PDZRN3: variants seen among roughly 807,000 people sequenced by gnomAD.
The protein encoded by PDZRN3 is E3 ubiquitin-protein ligase PDZRN3.
Under a neutral mutation model 85.7 loss-of-function variants are expected in PDZRN3, and 38 were observed. That is an observed-to-expected ratio of 0.44 (90% CI 0.34 to 0.58). The LOEUF is 0.58. Ranked by LOEUF, PDZRN3 falls within the 20% of genes least tolerant of loss-of-function variation. PDZRN3 has a pLI of 0.01. For missense variants in PDZRN3, 1,629 were observed against 1,506.4 expected, an observed-to-expected ratio of 1.08 and a Z score of -1.35; for synonymous variants, 759 against 638.0, an observed-to-expected ratio of 1.19 and a Z score of -2.86.
chr3:73,438,397 G>C (rs146260101), intron 3 of PDZRN3, among the ~76,000 whole-genome samples: 1 of 152,316 alleles, frequency 6.6e-6, no homozygotes, highest in African/African-American at 2.4e-5. Context: ...TGATTGGATT[G>C]TCTATTTGCC....
chr3:73,385,594 A>T, intron 9 of PDZRN3, 75 bp downstream of exon 9: 1 of 876,146 alleles, frequency 1.1e-6, no homozygotes, highest in Non-Finnish European at 1.9e-6. Flanking sequence ...TTAGCACCAT[A>T]AAGGGAGATG....
chr3:73,567,467 AG>A (rs2106844448), intron 3 of PDZRN3, among the ~76,000 whole-genome samples: 1 of 152,324 alleles, frequency 6.6e-6, no homozygotes, highest in Non-Finnish European at 1.5e-5. Flanking sequence ...AAATTCCTCA[AG>A]GGTTTAAAGC....
chr3:73,433,749 A>G (rs1559677418), intron 3 of PDZRN3: 1 of 1,534,702 alleles, frequency 6.5e-7, no homozygotes, highest in South Asian at 1.2e-5. Context: ...TCTCGCCAGC[A>G]CCCGGGAAAA....
chr3:73,462,505 C>A (rs1243354740), intron 3 of PDZRN3, among the ~76,000 whole-genome samples: 1 of 137,262 alleles, frequency 7.3e-6, no homozygotes, highest in Non-Finnish European at 1.5e-5. Flanking sequence ...GATTGCGCCA[C>A]TGCACTCCAG....
At chr3:73,557,565 G>A (rs1294882787) in intron 3 of PDZRN3, among the ~76,000 whole-genome samples, 4 of 151,960 alleles carry the variant, frequency 2.6e-5, no homozygotes, top group Non-Finnish European at 2.9e-5. Context: ...TCAAACTAAC[G>A]GCCGTAAATA....
chr3:73,509,305 T>C (rs1466804135), intron 3 of PDZRN3, among the ~76,000 whole-genome samples: 2 of 152,184 alleles, frequency 1.3e-5, no homozygotes, highest in African/African-American at 4.8e-5. Flanking sequence ...ACTAAGCATC[T>C]ACCATGCAAC....
intron 3 of PDZRN3, among the ~76,000 whole-genome samples, chr3:73,435,782 A>G (rs1702519756): frequency 6.6e-6 from 1 of 151,968 alleles, no homozygotes; most frequent in African/African-American, 2.4e-5. Context: ...CATTCCCTAC[A>G]CAGTTGCCAG....
intron 3 of PDZRN3, among the ~76,000 whole-genome samples, chr3:73,499,556 C>A (rs960418047): frequency 5.3e-5 from 8 of 152,170 alleles, no homozygotes; most frequent in African/African-American, 1.9e-4. Context: ...TATTAACAAC[C>A]ACAAGTTCTG....
intron 3 of PDZRN3, among the ~76,000 whole-genome samples, chr3:73,565,117 ATTTTTTTTTT>A (rs202184460): frequency 0.024 from 3,283 of 138,818 alleles, 110 homozygotes; most frequent in African/African-American, 0.088. Context: ...ATATCCACCA[ATTTTTTTTTT>A]TTTTTTTTTT....
intron 3 of PDZRN3, among the ~76,000 whole-genome samples, chr3:73,543,577 A>G (rs369111067): frequency 6.6e-6 from 1 of 152,240 alleles, no homozygotes; most frequent in Non-Finnish European, 1.5e-5. Flanking sequence ...AAAGGATTCA[A>G]TATTTCCTTT....
In PDZRN3 at chr3:73,384,795, C is replaced by T. The variant is rs758508133; in HGVS notation, c.1771G>A (p.Asp591Asn). 23 of 1,613,884 alleles carry T rather than the reference C, an allele frequency of 1.4e-5. No individual in the cohort carries two copies. The highest frequency in any genetic ancestry group is 1.9e-5 in the Non-Finnish European group (22 of 1,180,046). ...GGGTTGGAGGATGCGGTGGCGTCGT[C>T]GCCATTGTTCTCTTGCTCCGAGCTC... is the stretch of plus-strand genomic sequence containing the variant. ...DESSEQENNGDDATASSNPLA... is the reference protein window; with the variant it reads ...DESSEQENNGNDATASSNPLA... The change falls in exon 10 of 10, where the codon GAC becomes AAC. Residue 591 changes from aspartate (D) to asparagine (N), a missense_variant. Asp to Asn is a conservative substitution (Grantham distance 23). Coordinates refer to ENST00000263666, the MANE Select transcript of PDZRN3 (RefSeq NM_015009.3).
At chr3:73,433,789 G>A in intron 3 of PDZRN3, 1 of 1,519,878 alleles carries the variant, frequency 6.6e-7, no homozygotes, top group Non-Finnish European at 8.8e-7. Flanking sequence ...GGCATTGAAG[G>A]TATCCTTGGA....
chr3:73,569,113 T>C (rs1346032537), intron 3 of PDZRN3: 12 of 1,224,492 alleles, frequency 9.8e-6, no homozygotes, highest in Non-Finnish European at 1.2e-5. Flanking sequence ...AGCTCACCTA[T>C]TCTAAATCAC....
At chr3:73,554,157 A>C (rs1470217987) in intron 3 of PDZRN3, among the ~76,000 whole-genome samples, 1 of 152,182 alleles carries the variant, frequency 6.6e-6, no homozygotes, top group African/African-American at 2.4e-5. Flanking sequence ...GTCAGAAGAA[A>C]GGCCTGGTGA....
intron 3 of PDZRN3, among the ~76,000 whole-genome samples, chr3:73,578,164 T>TTC (rs1365109122): frequency 1.8e-5 from 1 of 56,026 alleles, no homozygotes; most frequent in African/African-American, 5.0e-5. Flanking sequence ...TGACCATTCT[T>TTC]TTTTTTTTTT....
chr3:73,527,892 C>T (rs1232654411), intron 3 of PDZRN3, among the ~76,000 whole-genome samples: 2 of 152,178 alleles, frequency 1.3e-5, no homozygotes, highest in African/African-American at 2.4e-5. Context: ...CCTATTTACT[C>T]GCATGAGGCA....
At chr3:73,439,892 C>G (rs112607545) in intron 3 of PDZRN3, among the ~76,000 whole-genome samples, 204 of 151,308 alleles carry the variant, frequency 1.3e-3, no homozygotes, top group Non-Finnish European at 2.6e-3. Context: ...GCATGCACCA[C>G]CACATCAAGC....
chr3:73,436,036 C>T (rs1702524886), intron 3 of PDZRN3, among the ~76,000 whole-genome samples: 1 of 152,196 alleles, frequency 6.6e-6, no homozygotes, highest in African/African-American at 2.4e-5. Context: ...TGGAACCGCT[C>T]TTCCCTTTCT....
At chr3:73,572,378 T>C (rs1702056962) in intron 3 of PDZRN3, among the ~76,000 whole-genome samples, 1 of 152,224 alleles carries the variant, frequency 6.6e-6, no homozygotes, top group African/African-American at 2.4e-5. Flanking sequence ...CTGTGTTCTA[T>C]TCCAGTATAC....
Sources: allele counts gnomAD v4.1 joint callset (sites outside exome capture counted in the v4.1 genomes callset), GRCh38; gene constraint gnomAD v4.1.1; transcripts MANE v1.5; gene names NCBI Gene and HGNC (gene_info 2026-07-23, HGNC 2026-07-21).